AUTS2: variants seen among roughly 807,000 people sequenced by gnomAD.
The protein encoded by AUTS2 is autism susceptibility gene 2 protein.
AUTS2 carries 17 observed loss-of-function variants against 112.4 expected under a neutral mutation model. The observed-to-expected ratio is 0.15, with a 90% CI of 0.10 to 0.23. AUTS2 has a LOEUF of 0.23. Ranked by LOEUF, AUTS2 falls within the 10% of genes least tolerant of loss-of-function variation. The pLI, the probability that AUTS2 is intolerant of heterozygous loss-of-function variation, is 1.00. For synonymous variants in AUTS2, 751 were observed against 702.7 expected (o/e 1.07, Z -1.09); for missense variants, 1,510 against 1,701.6 (o/e 0.89, Z 1.98).
intron 4 of AUTS2, among the ~76,000 whole-genome samples, chr7:70,167,808 A>G (rs1290271525): frequency 6.6e-6 from 1 of 152,240 alleles, no homozygotes; most frequent in Non-Finnish European, 1.5e-5. Context: ...ACTTTTAAAT[A>G]ACCCATATCA....
chr7:69,603,758 G>A (rs1365306555), intron 1 of AUTS2, among the ~76,000 whole-genome samples: 1 of 152,196 alleles, frequency 6.6e-6, no homozygotes, highest in Non-Finnish European at 1.5e-5. Flanking sequence ...GTGACAGGAT[G>A]AGAGCAAAAA....
intron 4 of AUTS2, among the ~76,000 whole-genome samples, chr7:70,174,211 T>C (rs1190279459): frequency 6.6e-6 from 1 of 152,202 alleles, no homozygotes. Flanking sequence ...TTTAGGAGTC[T>C]TGATGGGAGA....
chr7:70,265,457 G>T (rs1233698565), intron 4 of AUTS2, among the ~76,000 whole-genome samples: 6 of 152,140 alleles, frequency 3.9e-5, no homozygotes, highest in Admixed American at 1.3e-4. Context: ...GGGGAGCATT[G>T]GAAAGATAAT....
intron 5 of AUTS2, among the ~76,000 whole-genome samples, chr7:70,559,495 C>T (rs934603872): frequency 1.7e-4 from 26 of 151,946 alleles, no homozygotes; most frequent in African/African-American, 5.6e-4. Context: ...CCACCACACC[C>T]AGCTAATTTT....
chr7:69,778,445 A>T (rs1788994178), intron 1 of AUTS2, among the ~76,000 whole-genome samples: 2 of 151,778 alleles, frequency 1.3e-5, no homozygotes, highest in Admixed American at 6.6e-5. Context: ...AGACCACTTA[A>T]ATCAGAATCT....
At chr7:70,246,151 T>C (rs976434908) in intron 4 of AUTS2, among the ~76,000 whole-genome samples, 2 of 152,148 alleles carry the variant, frequency 1.3e-5, no homozygotes, top group Non-Finnish European at 2.9e-5. Flanking sequence ...AGTTATGGTT[T>C]ATCAGCGCAT....
intron 2 of AUTS2, among the ~76,000 whole-genome samples, chr7:69,907,549 TA>T (rs1240241732): frequency 1.3e-5 from 2 of 152,224 alleles, no homozygotes; most frequent in African/African-American, 4.8e-5. Context: ...TAGTACAGTG[TA>T]AAAGCTATGC....
At chr7:69,652,842 G>C (rs1183861534) in intron 1 of AUTS2, among the ~76,000 whole-genome samples, 1 of 152,090 alleles carries the variant, frequency 6.6e-6, no homozygotes, top group Non-Finnish European at 1.5e-5. Flanking sequence ...TTAGATCTTT[G>C]CCAAAGGTAG....
intron 5 of AUTS2, among the ~76,000 whole-genome samples, chr7:70,542,344 G>T (rs1800585351): frequency 6.6e-6 from 1 of 152,184 alleles, no homozygotes; most frequent in African/African-American, 2.4e-5. Flanking sequence ...GTTGCACCTA[G>T]ACCCCAAGTA....
intron 4 of AUTS2, among the ~76,000 whole-genome samples, chr7:70,377,061 T>C (rs1316732292): frequency 2.0e-5 from 3 of 151,710 alleles, no homozygotes; most frequent in Admixed American, 6.6e-5. Context: ...TTGCCTCAAT[T>C]AGAATACTTT....
chr7:70,362,898 C>T (rs557327183), intron 4 of AUTS2, among the ~76,000 whole-genome samples: 39 of 152,168 alleles, frequency 2.6e-4, no homozygotes, highest in East Asian at 5.8e-4. Context: ...CCACAGTAAG[C>T]GGGAGAGAGG....
chr7:69,665,805 T>C (rs1466609234), intron 1 of AUTS2, among the ~76,000 whole-genome samples: 2 of 151,780 alleles, frequency 1.3e-5, no homozygotes, highest in African/African-American at 4.9e-5. Flanking sequence ...GAAATCAGCT[T>C]TACACAAGTG....
intron 2 of AUTS2, among the ~76,000 whole-genome samples, chr7:70,087,122 A>T (rs867612145): frequency 6.6e-6 from 1 of 151,994 alleles, no homozygotes; most frequent in Non-Finnish European, 1.5e-5. Context: ...ACATACCTTT[A>T]TCAGTTTAAA....
chr7:69,646,243 GCTA>G (rs1795016837), intron 1 of AUTS2, among the ~76,000 whole-genome samples: 1 of 152,102 alleles, frequency 6.6e-6, no homozygotes, highest in South Asian at 2.1e-4. Context: ...AAAGCAGGCT[GCTA>G]CTGTTTCTCC....
intron 1 of AUTS2, among the ~76,000 whole-genome samples, chr7:69,614,314 C>CTCTTTCTT (rs763131370): frequency 0.095 from 7,891 of 83,320 alleles, 980 homozygotes; most frequent in African/African-American, 0.11. Context: ...CACTCTCCGT[C>CTCTTTCTT]TCTTTCTTTC....
intron 2 of AUTS2, among the ~76,000 whole-genome samples, chr7:69,942,697 A>G (rs536826621): frequency 3.5e-3 from 538 of 152,334 alleles, no homozygotes; most frequent in Non-Finnish European, 6.2e-3. Flanking sequence ...GTAGCAAGTC[A>G]TCTTGACAGT....
chr7:70,461,434 A>T (rs1175896723), intron 5 of AUTS2, among the ~76,000 whole-genome samples: 1 of 152,106 alleles, frequency 6.6e-6, no homozygotes, highest in Non-Finnish European at 1.5e-5. Flanking sequence ...TTAGTTACCA[A>T]AGGCTGATGA....
intron 5 of AUTS2, among the ~76,000 whole-genome samples, chr7:70,607,093 G>C (rs1348051458): frequency 6.6e-6 from 1 of 152,086 alleles, no homozygotes; most frequent in African/African-American, 2.4e-5. Context: ...TCTTGATGAG[G>C]CCCAGGGGCC....
At chr7:70,216,013 A>T (rs922548062) in intron 4 of AUTS2, among the ~76,000 whole-genome samples, 5 of 152,144 alleles carry the variant, frequency 3.3e-5, no homozygotes, top group South Asian at 2.1e-4. Flanking sequence ...GAAAAATTAT[A>T]AAAAAAATTC....
Sources: gnomAD v4.1 joint callset for allele counts (sites outside exome capture counted in the v4.1 genomes callset) on GRCh38, gnomAD v4.1.1 for gene constraint, MANE v1.5 for transcripts, NCBI Gene and HGNC (gene_info 2026-07-23, HGNC 2026-07-21) for gene names.